TENM3: variants seen among roughly 807,000 people sequenced by gnomAD.
TENM3 encodes teneurin-3.
Under a neutral mutation model 255.1 loss-of-function variants are expected in TENM3, and 63 were observed. That is an observed-to-expected ratio of 0.25 (90% CI 0.20 to 0.30). The LOEUF (loss-of-function observed/expected upper bound fraction) is 0.30. Ranked by LOEUF, TENM3 falls within the 10% of genes least tolerant of loss-of-function variation. The pLI is 1.00. For synonymous variants in TENM3, 1,306 were observed against 1,322.3 expected, an observed-to-expected ratio of 0.99 and a Z score of 0.27; for missense variants, 2,929 against 3,461.1, an observed-to-expected ratio of 0.85 and a Z score of 3.86.
chr4:181,943,800 A>G, the TENM3 span, among the ~76,000 whole-genome samples: 1 of 152,162 alleles, frequency 6.6e-6, no homozygotes, highest in African/African-American at 2.4e-5. Flanking sequence ...TGACACAGCA[A>G]TCACCCCAAT....
chr4:182,243,421 G>C lies in TENM3; in HGVS notation c.-131G>C, dbSNP rs760281165. On this transcript the variant is annotated 5_prime_UTR_variant, in exon 1 of 28. Transcript: ENST00000511685. ...TGAGCCATCGCACCTGGCCATGAAG[G>C]CTTTTAGATGGGTCTGGAGCTTGGA... 6.6e-6 allele frequency: 1 copy of C among 152,422 alleles called. No individual in the cohort carries two copies. The highest frequency in any genetic ancestry group is 1.5e-5 in the Non-Finnish European group (1 of 68,256). The allele number at this position is 152,422 out of a possible 1,614,324, so 9.4% of individuals were successfully genotyped here. A position where few individuals can be genotyped will look rare whatever the true frequency, so the allele number is the denominator to read the frequency against.
chr4:182,710,902 G>A (rs1477712594), intron 12 of TENM3, among the ~76,000 whole-genome samples: 2 of 152,106 alleles, frequency 1.3e-5, no homozygotes, highest in Non-Finnish European at 2.9e-5. Flanking sequence ...GCAGGTACAG[G>A]TACAGAAAAA....
intron 1 of TENM3, among the ~76,000 whole-genome samples, chr4:182,271,161 T>A (rs1053255480): frequency 5.3e-4 from 81 of 152,294 alleles, no homozygotes; most frequent in African/African-American, 1.9e-3. Flanking sequence ...TTAGTGTTTA[T>A]TATAACCGAT....
At chr4:182,102,171 C>T in the TENM3 span, among the ~76,000 whole-genome samples, 1 of 152,210 alleles carries the variant, frequency 6.6e-6, no homozygotes, top group Non-Finnish European at 1.5e-5. Flanking sequence ...GTAAGGGAAT[C>T]GCTAGGGGGT....
intron 22 of TENM3, among the ~76,000 whole-genome samples, chr4:182,756,213 T>C (rs933138350): frequency 1.3e-5 from 2 of 152,206 alleles, no homozygotes; most frequent in African/African-American, 4.8e-5. Flanking sequence ...CCAGAGAAGC[T>C]ACACTGTGCC....
At chr4:181,982,560 A>T in the TENM3 span, among the ~76,000 whole-genome samples, 3 of 152,126 alleles carry the variant, frequency 2.0e-5, no homozygotes, top group Non-Finnish European at 4.4e-5. Flanking sequence ...CAGTCCCTGG[A>T]GCACCATTAA....
At chr4:182,638,831 G>C (rs4862080) in intron 5 of TENM3, among the ~76,000 whole-genome samples, 98,698 of 152,022 alleles carry the variant, frequency 0.65, 33,573 homozygotes, top group East Asian at 0.85. Context: ...TTCTCTTTAT[G>C]ACTTTCAGTA....
chr4:182,073,252 C>G, the TENM3 span, among the ~76,000 whole-genome samples: 1 of 152,180 alleles, frequency 6.6e-6, no homozygotes, highest in South Asian at 2.1e-4. Context: ...CTTGTGAGAA[C>G]TCACTCACTA....
At chr4:182,199,335 T>C (rs1754033676) in intron 1 of TENM3, among the ~76,000 whole-genome samples, 1 of 152,008 alleles carries the variant, frequency 6.6e-6, no homozygotes, top group Non-Finnish European at 1.5e-5. Flanking sequence ...GGCAGGAGAA[T>C]GGCCTGAACC....
the TENM3 span, among the ~76,000 whole-genome samples, chr4:182,006,042 T>A: frequency 1.1e-4 from 17 of 152,154 alleles, no homozygotes; most frequent in Non-Finnish European, 2.4e-4. Flanking sequence ...TCTTTTCCTA[T>A]TTGAATATCC....
chr4:181,747,470 A>G, the TENM3 span, among the ~76,000 whole-genome samples: 21 of 152,222 alleles, frequency 1.4e-4, no homozygotes, highest in Non-Finnish European at 8.8e-5. Context: ...AAACTTGAGT[A>G]CAATATCATA....
intron 3 of TENM3, among the ~76,000 whole-genome samples, chr4:182,530,981 C>T (rs1335673017): frequency 3.9e-5 from 6 of 152,132 alleles, no homozygotes; most frequent in African/African-American, 9.7e-5. Context: ...AAATGGGCAG[C>T]TGTTGAGTCT....
the TENM3 span, among the ~76,000 whole-genome samples, chr4:182,074,754 G>A: frequency 6.6e-6 from 1 of 152,090 alleles, no homozygotes; most frequent in Non-Finnish European, 1.5e-5. Context: ...TTAAATCAGA[G>A]GTCATGTCCT....
At chr4:182,014,150 T>TTA in the TENM3 span, among the ~76,000 whole-genome samples, 16 of 146,582 alleles carry the variant, frequency 1.1e-4, no homozygotes, top group African/African-American at 4.0e-4. Flanking sequence ...ACATATATAC[T>TTA]TATATATATA....
chr4:182,225,950 A>T (rs966457091), intron 1 of TENM3, among the ~76,000 whole-genome samples: 1 of 152,172 alleles, frequency 6.6e-6, no homozygotes, highest in Admixed American at 6.5e-5. Context: ...CTTTTAATGG[A>T]GACCTTGAAA....
At chr4:181,909,428 A>G in the TENM3 span, among the ~76,000 whole-genome samples, 1 of 152,124 alleles carries the variant, frequency 6.6e-6, no homozygotes, top group Non-Finnish European at 1.5e-5. Flanking sequence ...CTGATTAGAG[A>G]CACAGTCCCT....
At chr4:181,909,809 A>G in the TENM3 span, among the ~76,000 whole-genome samples, 10 of 152,310 alleles carry the variant, frequency 6.6e-5, no homozygotes, top group East Asian at 1.9e-3. Flanking sequence ...CCTACGCAAT[A>G]CTAAATCACT....
the TENM3 span, among the ~76,000 whole-genome samples, chr4:181,894,116 A>G: frequency 1.3e-5 from 2 of 152,268 alleles, no homozygotes; most frequent in Admixed American, 6.5e-5. Flanking sequence ...ACCAGCTATG[A>G]GGTTCTCATG....
chr4:181,666,801 T>C, the TENM3 span, among the ~76,000 whole-genome samples: 1 of 152,130 alleles, frequency 6.6e-6, no homozygotes, highest in African/African-American at 2.4e-5. Flanking sequence ...TTCCTTACTG[T>C]TTTGCAATAC....
Sources: gnomAD v4.1 joint callset for allele counts (sites outside exome capture counted in the v4.1 genomes callset) on GRCh38, gnomAD v4.1.1 for gene constraint, MANE v1.5 for transcripts, NCBI Gene and HGNC (gene_info 2026-07-23, HGNC 2026-07-21) for gene names.